ZBTB7C: variants seen among roughly 807,000 people sequenced by gnomAD.
ZBTB7C encodes the protein zinc finger and BTB domain containing 7C, also known as zinc finger and BTB domain-containing protein 7C.
Under a neutral mutation model 25.7 loss-of-function variants are expected in ZBTB7C, and 8 were observed. That is an observed-to-expected ratio of 0.31 (90% CI 0.18 to 0.56). The LOEUF is 0.56. ZBTB7C is among the 20% of genes least tolerant of loss of function. ZBTB7C has a pLI of 0.91. For synonymous variants in ZBTB7C, 394 were observed against 369.0 expected, an observed-to-expected ratio of 1.07 and a Z score of -0.78; for missense variants, 824 against 855.2, an observed-to-expected ratio of 0.96 and a Z score of 0.46.
chr18:48,205,062 A>G (rs1025727927), intron 2 of ZBTB7C, among the ~76,000 whole-genome samples: 1 of 152,082 alleles, frequency 6.6e-6, no homozygotes, highest in Admixed American at 6.5e-5. Flanking sequence ...AGGGATCCTC[A>G]GGGCCCTGGG....
intron 3 of ZBTB7C, among the ~76,000 whole-genome samples, chr18:48,046,448 C>A (rs1261682658): frequency 1.3e-5 from 2 of 152,212 alleles, no homozygotes; most frequent in Non-Finnish European, 2.9e-5. Flanking sequence ...AACGACCCTT[C>A]CACTGTTAAG....
intron 3 of ZBTB7C, among the ~76,000 whole-genome samples, chr18:48,097,100 T>C (rs1029782735): frequency 7.2e-5 from 11 of 152,220 alleles, no homozygotes; most frequent in Non-Finnish European, 1.3e-4. Flanking sequence ...TCCTCTCTTC[T>C]CACATAGGGT....
chr18:48,297,898 T>C (rs1308188584), intron 2 of ZBTB7C, among the ~76,000 whole-genome samples: 1 of 152,210 alleles, frequency 6.6e-6, no homozygotes, highest in Admixed American at 6.5e-5. Context: ...GTATGGCCTG[T>C]GTCACACATT....
intron 3 of ZBTB7C, among the ~76,000 whole-genome samples, chr18:48,116,361 T>G (rs996607424): frequency 1.3e-4 from 20 of 152,246 alleles, no homozygotes; most frequent in Admixed American, 5.2e-4. Context: ...CATGTGTGCT[T>G]GCTCAATGAA....
intron 3 of ZBTB7C, among the ~76,000 whole-genome samples, chr18:48,058,473 T>A (rs8099154): frequency 0.26 from 38,982 of 152,180 alleles, 5,519 homozygotes; most frequent in African/African-American, 0.38. Flanking sequence ...GTCCATTCTC[T>A]TTTCTGCATT....
chr18:48,056,112 T>A (rs1030955094), intron 3 of ZBTB7C, among the ~76,000 whole-genome samples: 11 of 152,180 alleles, frequency 7.2e-5, no homozygotes, highest in Admixed American at 7.2e-4. Context: ...TTCAGAAGTA[T>A]ATTAGGGACC....
At chr18:48,318,214 CA>C (rs374796051) in intron 2 of ZBTB7C, among the ~76,000 whole-genome samples, 22,850 of 148,772 alleles carry the variant, frequency 0.15, 1,848 homozygotes, top group Non-Finnish European at 0.2. Flanking sequence ...CAAAACAAAA[CA>C]AAAAAAAAAC....
intron 1 of ZBTB7C, among the ~76,000 whole-genome samples, chr18:48,395,849 T>A (rs1365174392): frequency 6.6e-6 from 1 of 152,138 alleles, no homozygotes; most frequent in Admixed American, 6.5e-5. Flanking sequence ...AGCTGCTGAG[T>A]CAGGTCTATA....
intron 2 of ZBTB7C, among the ~76,000 whole-genome samples, chr18:48,282,858 A>C (rs1300597767): frequency 1.3e-5 from 2 of 152,188 alleles, no homozygotes; most frequent in East Asian, 3.8e-4. Flanking sequence ...GGAATGTGAC[A>C]ATGACTGAAA....
In ZBTB7C at chr18:48,062,550, C is replaced by T. The variant is rs574695554; in HGVS notation, c.-16-21427G>A. On this transcript the variant is annotated intron_variant, in intron 3 of 4. Coordinates refer to ENST00000590800, the MANE Select transcript of ZBTB7C (RefSeq NM_001318841.2). ...CTGGGCTCTTTTACACAAATTACCT[C>T]ATTTGATCCTTACGCTAACCCTATG... Among the ~76,000 whole-genome samples, 139 of 152,346 alleles carry T rather than the reference C, an allele frequency of 9.1e-4. 1 individual carries two copies. The highest frequency in any genetic ancestry group is 2.7e-3 in the African/African-American group (112 of 41,580).
intron 1 of ZBTB7C, among the ~76,000 whole-genome samples, chr18:48,366,383 A>G (rs374930685): frequency 1.8e-4 from 28 of 152,388 alleles, no homozygotes; most frequent in African/African-American, 6.7e-4. Context: ...TCAGGTAGGA[A>G]TGACTTTCAA....
At chr18:48,176,945 G>A (rs930996420) in intron 3 of ZBTB7C, among the ~76,000 whole-genome samples, 8 of 152,184 alleles carry the variant, frequency 5.3e-5, no homozygotes, top group South Asian at 4.1e-4. Context: ...GACCTCTCGC[G>A]TCTCTGCTCC....
intron 2 of ZBTB7C, among the ~76,000 whole-genome samples, chr18:48,276,366 T>C (rs1288704472): frequency 2.0e-5 from 3 of 150,876 alleles, no homozygotes; most frequent in South Asian, 4.2e-4. Context: ...TAGATACATA[T>C]GTATACATAT....
At chr18:48,173,348 TC>T (rs941935244) in intron 3 of ZBTB7C, among the ~76,000 whole-genome samples, 10 of 151,888 alleles carry the variant, frequency 6.6e-5, no homozygotes, top group Non-Finnish European at 1.5e-5. Context: ...CATCCCCATT[TC>T]CCCCAGTTTG....
intron 3 of ZBTB7C, among the ~76,000 whole-genome samples, chr18:48,121,413 T>A (rs11082649): frequency 0.21 from 26,499 of 127,652 alleles, 3,564 homozygotes; most frequent in African/African-American, 0.41. Flanking sequence ...TTTTTTTTTT[T>A]AAAAAAATGC....
chr18:48,389,237 G>T (rs373970347), intron 1 of ZBTB7C, among the ~76,000 whole-genome samples: 27 of 48,188 alleles, frequency 5.6e-4, no homozygotes, highest in Admixed American at 1.0e-3. Flanking sequence ...TCTCTCTCTC[G>T]TGTGTGTGTG....
intron 3 of ZBTB7C, among the ~76,000 whole-genome samples, chr18:48,184,948 T>C (rs1185831661): frequency 6.6e-6 from 1 of 152,090 alleles, no homozygotes; most frequent in Non-Finnish European, 1.5e-5. Flanking sequence ...AACCTCAAGT[T>C]TGTGAAAAAT....
chr18:48,352,847 T>C lies in ZBTB7C; in HGVS notation c.-303-14449A>G, dbSNP rs574434910. ...GGGGGTAGCTCTGTGGAAAGCACAG[T>C]GTTCACTGTGTTGGGAGGGCTGGGA... is the stretch of plus-strand genomic sequence containing the variant. On this transcript the variant is annotated intron_variant, in intron 1 of 4. Coordinates refer to ENST00000590800, the MANE Select transcript of ZBTB7C (RefSeq NM_001318841.2). Among the ~76,000 whole-genome samples the C allele has an allele frequency of 7.2e-5, 11 of 152,138 alleles. No individual in the cohort carries two copies. In the South Asian group the frequency reaches 2.1e-3, roughly 29 times the overall value.
intron 1 of ZBTB7C, chr18:48,374,154 T>G (rs969944202): frequency 3.3e-5 from 5 of 152,284 alleles, no homozygotes; most frequent in Admixed American, 6.5e-5. Flanking sequence ...TTAAATCTCT[T>G]TTCTTATAAC....
Sources: allele counts gnomAD v4.1 joint callset (sites outside exome capture counted in the v4.1 genomes callset), GRCh38; gene constraint gnomAD v4.1.1; transcripts MANE v1.5; gene names NCBI Gene and HGNC (gene_info 2026-07-23, HGNC 2026-07-21).